QTMAN: variants seen among roughly 807,000 people sequenced by gnomAD.
QTMAN encodes the protein queuosine-tRNA mannosyltransferase, also known as tRNA-queuosine alpha-mannosyltransferase.
chr2:144,139,839 T>C, the QTMAN span, among the ~76,000 whole-genome samples: 3 of 152,196 alleles, frequency 2.0e-5, no homozygotes, highest in African/African-American at 4.8e-5. Flanking sequence ...TAATATCCAT[T>C]ATATTATATA....
the QTMAN span, among the ~76,000 whole-genome samples, chr2:144,295,568 G>C: frequency 5.9e-5 from 9 of 152,128 alleles, no homozygotes; most frequent in African/African-American, 1.9e-4. Flanking sequence ...TAGAGGATGA[G>C]AACAATAAGA....
chr2:144,009,571 CA>C, the QTMAN span, among the ~76,000 whole-genome samples: 1 of 152,030 alleles, frequency 6.6e-6, no homozygotes, highest in Admixed American at 6.6e-5. Flanking sequence ...TGAGGAAACT[CA>C]AACAAATACA....
chr2:144,083,030 G>A, the QTMAN span, among the ~76,000 whole-genome samples: 3 of 152,132 alleles, frequency 2.0e-5, no homozygotes, highest in Non-Finnish European at 4.4e-5. Flanking sequence ...TCCCTCTCTA[G>A]AGGCCGGCAG....
chr2:144,090,399 G>A, the QTMAN span, among the ~76,000 whole-genome samples: 4 of 151,988 alleles, frequency 2.6e-5, no homozygotes, highest in African/African-American at 9.7e-5. Flanking sequence ...AAAAGGCATT[G>A]ATATTGGAAA....
the QTMAN span, among the ~76,000 whole-genome samples, chr2:144,159,213 T>C: frequency 2.6e-5 from 4 of 152,066 alleles, no homozygotes; most frequent in Non-Finnish European, 5.9e-5. Flanking sequence ...TAGTTTCTGA[T>C]TGGAAGATAC....
the QTMAN span, among the ~76,000 whole-genome samples, chr2:144,195,596 A>C: frequency 5.9e-4 from 90 of 152,242 alleles, 1 homozygote; most frequent in Non-Finnish European, 1.2e-3. Flanking sequence ...AGGCAGTTCA[A>C]TTCTAAAACT....
chr2:144,052,820 T>G, the QTMAN span, among the ~76,000 whole-genome samples: 5 of 152,288 alleles, frequency 3.3e-5, no homozygotes, highest in East Asian at 9.7e-4. Context: ...CCCGACTAAT[T>G]TTATATTTTT....
the QTMAN span, among the ~76,000 whole-genome samples, chr2:144,300,212 AC>A: frequency 6.6e-6 from 1 of 152,240 alleles, no homozygotes; most frequent in South Asian, 2.1e-4. Context: ...ATGGGAATGT[AC>A]CTAATGCCAC....
the QTMAN span, among the ~76,000 whole-genome samples, chr2:144,022,960 G>A: frequency 1.3e-5 from 2 of 151,900 alleles, no homozygotes; most frequent in African/African-American, 4.8e-5. Flanking sequence ...CAAAAAATAT[G>A]CATTTTTTAT....
chr2:144,211,908 C>T, the QTMAN span, among the ~76,000 whole-genome samples: 7 of 152,210 alleles, frequency 4.6e-5, no homozygotes, highest in Non-Finnish European at 1.0e-4. Context: ...AGGGTGAATA[C>T]AGACATTTTT....
At chr2:144,273,277 C>CT in the QTMAN span, among the ~76,000 whole-genome samples, 1 of 151,834 alleles carries the variant, frequency 6.6e-6, no homozygotes, top group East Asian at 1.9e-4. Flanking sequence ...AATGCATTCT[C>CT]TTTTTTTTCT....
chr2:144,184,974 C>CA, the QTMAN span, among the ~76,000 whole-genome samples: 1 of 152,110 alleles, frequency 6.6e-6, no homozygotes, highest in African/African-American at 2.4e-5. Flanking sequence ...TTAGCTTTTT[C>CA]AACTGTAAAA....
the QTMAN span, among the ~76,000 whole-genome samples, chr2:144,241,930 T>C: frequency 1.3e-5 from 2 of 151,820 alleles, no homozygotes; most frequent in East Asian, 1.9e-4. Context: ...TTGCAAAACA[T>C]AGGGACACAT....
the QTMAN span, chr2:144,177,241 C>T: frequency 9.3e-6 from 6 of 641,960 alleles, 1 homozygote; most frequent in Middle Eastern, 2.5e-4. Flanking sequence ...TCCTCTTTAT[C>T]TTGATCCCAA....
At chr2:144,058,728 T>C in the QTMAN span, among the ~76,000 whole-genome samples, 1 of 152,220 alleles carries the variant, frequency 6.6e-6, no homozygotes, top group Non-Finnish European at 1.5e-5. Flanking sequence ...AGCTCAAAAC[T>C]GTGTCCTATA....
At chr2:144,108,773 C>G in the QTMAN span, among the ~76,000 whole-genome samples, 1 of 151,506 alleles carries the variant, frequency 6.6e-6, no homozygotes, top group African/African-American at 2.4e-5. Flanking sequence ...CAATAACAGA[C>G]TAACAGAGAG....
chr2:144,209,736 T>C, the QTMAN span, among the ~76,000 whole-genome samples: 2 of 152,350 alleles, frequency 1.3e-5, no homozygotes, highest in East Asian at 1.9e-4. Context: ...TTATATGTTA[T>C]TTCCTGTAAG....
chr2:144,169,365 A>C, the QTMAN span, among the ~76,000 whole-genome samples: 12 of 152,268 alleles, frequency 7.9e-5, no homozygotes. Flanking sequence ...ACACAACTTC[A>C]ACATCTATCA....
At chr2:143,961,513 T>C in the QTMAN span, among the ~76,000 whole-genome samples, 1 of 152,168 alleles carries the variant, frequency 6.6e-6, no homozygotes, top group Non-Finnish European at 1.5e-5. Context: ...CATTAATTAA[T>C]TTATTTTCCT....
Sources: gnomAD v4.1 joint callset for allele counts (sites outside exome capture counted in the v4.1 genomes callset) on GRCh38, gnomAD v4.1.1 for gene constraint, MANE v1.5 for transcripts, NCBI Gene and HGNC (gene_info 2026-07-23, HGNC 2026-07-21) for gene names.